The following CAMK2D variants were observed in gnomAD, a reference collection of about 807,000 sequenced individuals.
CAMK2D encodes calcium/calmodulin-dependent protein kinase type II subunit delta.
A neutral mutation model predicts 84.0 loss-of-function variants in CAMK2D; 37 were observed. That is an observed-to-expected ratio of 0.44 (90% confidence interval 0.34 to 0.58). The LOEUF (loss-of-function observed/expected upper bound fraction) is 0.58. Ranked by LOEUF, CAMK2D falls within the 20% of genes least tolerant of loss-of-function variation. The pLI, the probability that CAMK2D is intolerant of heterozygous loss-of-function variation, is 0.02. For synonymous variants in CAMK2D, 202 were observed against 212.5 expected (o/e 0.95, Z 0.43); for missense variants, 448 against 652.5 (o/e 0.69, Z 3.41).
chr4:113,609,063 T>A, intron 4 of CAMK2D, 89 bp downstream of exon 4: 1 of 676,836 alleles, frequency 1.5e-6, no homozygotes, highest in Non-Finnish European at 2.7e-6. Flanking sequence ...TAGCAGTCAG[T>A]AATTTGGACT....
intron 4 of CAMK2D, among the ~76,000 whole-genome samples, chr4:113,604,682 T>C (rs1048388218): frequency 1.3e-5 from 2 of 152,206 alleles, no homozygotes; most frequent in African/African-American, 4.8e-5. Context: ...CCCAAACAAA[T>C]ACCATTGCTA....
At position 113,761,241 on chromosome 4, in the gene CAMK2D, GA is replaced by G. The variant is rs1308660325; in HGVS notation, c.-174del. On this transcript the variant is annotated 5_prime_UTR_variant, in exon 1 of 21. Coordinates refer to ENST00000511664, the MANE Select transcript of CAMK2D (RefSeq NM_001321571.2). ...TGCGCAGGGGCGGGGCGGGAGGGGA[GA>G]TGACCAGAAAGGGTGGCGTGGGGTC... is the stretch of plus-strand genomic sequence containing the variant. The G allele has an allele frequency of 6.8e-7, 1 of 1,473,074 alleles. No individual in the cohort carries two copies. The highest frequency in any genetic ancestry group is 9.0e-7 in the Non-Finnish European group (1 of 1,114,950). The allele number at this position is 1,473,074 out of a possible 1,614,324, so 91.3% of individuals were successfully genotyped here.
intron 6 of CAMK2D, among the ~76,000 whole-genome samples, chr4:113,544,638 C>T (rs1031279229): frequency 2.0e-5 from 3 of 152,160 alleles, no homozygotes; most frequent in African/African-American, 7.2e-5. Flanking sequence ...ATGGTAACTG[C>T]TTGATAAATG....
chr4:113,612,090 AT>A (rs2099002685), intron 3 of CAMK2D, among the ~76,000 whole-genome samples: 1 of 152,174 alleles, frequency 6.6e-6, no homozygotes, highest in East Asian at 1.9e-4. Flanking sequence ...TTTACTTACT[AT>A]ATTAACAAAA....
At chr4:113,513,766 C>T (rs1245216763) in intron 11 of CAMK2D, 64 bp downstream of exon 11, 2 of 738,218 alleles carry the variant, frequency 2.7e-6, no homozygotes, top group African/African-American at 3.5e-5. Flanking sequence ...TTATTTTCCT[C>T]ACACAGTATT....
At position 113,709,944 on chromosome 4, in the gene CAMK2D, A is replaced by G. The variant is rs180685811; in HGVS notation, c.161-48172T>C. The stretch of plus-strand genomic sequence containing the variant: ...GTGGGACTGGCAAACCTGCACTTTT[A>G]TCTTTAACTTCATTTATTTCCATGG... On this transcript the variant is annotated intron_variant, in intron 2 of 20. Coordinates refer to ENST00000511664, the MANE Select transcript of CAMK2D (RefSeq NM_001321571.2). 4.0e-5 allele frequency among the ~76,000 whole-genome samples: 6 copies of G among 150,894 alleles called. No individual in the cohort carries two copies. The Admixed American group carries it at 4.0e-4, about 10-fold the overall frequency.
At chr4:113,538,052 A>G (rs2098505335) in intron 6 of CAMK2D, among the ~76,000 whole-genome samples, 1 of 152,096 alleles carries the variant, frequency 6.6e-6, no homozygotes, top group East Asian at 1.9e-4. Flanking sequence ...AGAGTATACT[A>G]CTATTTGCCA....
At chr4:113,636,067 T>G (rs539875771) in intron 3 of CAMK2D, among the ~76,000 whole-genome samples, 1 of 152,352 alleles carries the variant, frequency 6.6e-6, no homozygotes, top group Admixed American at 6.5e-5. Context: ...AATGACGTCT[T>G]TGGCATCTCC....
chr4:113,459,628 A>G (rs984032630), intron 18 of CAMK2D, among the ~76,000 whole-genome samples: 4 of 147,178 alleles, frequency 2.7e-5, no homozygotes, highest in African/African-American at 1.0e-4. Flanking sequence ...AGTGTATTCA[A>G]TCAACATTAC....
At chr4:113,547,449 T>A (rs2098587692) in intron 6 of CAMK2D, among the ~76,000 whole-genome samples, 195 bp downstream of exon 6, 1 of 152,210 alleles carries the variant, frequency 6.6e-6, no homozygotes, top group African/African-American at 2.4e-5. Context: ...TCTGGATAAA[T>A]CAAGATTTAT....
intron 4 of CAMK2D, among the ~76,000 whole-genome samples, chr4:113,561,886 C>A (rs926793886): frequency 2.6e-5 from 4 of 152,198 alleles, no homozygotes; most frequent in African/African-American, 9.7e-5. Context: ...ATGTACTACA[C>A]ATATCATCAG....
chr4:113,692,991 G>A (rs558665642), intron 2 of CAMK2D, among the ~76,000 whole-genome samples: 69 of 152,112 alleles, frequency 4.5e-4, no homozygotes, highest in South Asian at 6.2e-4. Context: ...TTTTACTTCC[G>A]TATTCAGGCA....
At chr4:113,700,462 C>T (rs1432605812) in intron 2 of CAMK2D, among the ~76,000 whole-genome samples, 2 of 152,124 alleles carry the variant, frequency 1.3e-5, no homozygotes, top group African/African-American at 4.8e-5. Context: ...AAAAGGTAGT[C>T]TTGTGCCACA....
At chr4:113,629,531 T>C (rs1288076005) in intron 3 of CAMK2D, among the ~76,000 whole-genome samples, 1 of 151,936 alleles carries the variant, frequency 6.6e-6, no homozygotes, top group African/African-American at 2.4e-5. Context: ...CAGAAAACAA[T>C]ACTTAATCTT....
At chr4:113,522,705 T>C (rs773195609) in intron 8 of CAMK2D, among the ~76,000 whole-genome samples, 2 of 152,180 alleles carry the variant, frequency 1.3e-5, no homozygotes, top group East Asian at 1.9e-4. Flanking sequence ...AGCAAAAGCA[T>C]TGCATCACCT....
Position 113,460,222 on chromosome 4 carries a change from G to A in CAMK2D, c.1231C>T (p.Leu411Phe). ...AAAGCTTCAGGTTCAAAAGCAGTAAGGCCTGGGTCACAGATTTTTCTGTAA... is the reference window on the plus strand; with the variant it reads ...AAAGCTTCAGGTTCAAAAGCAGTAAAGCCTGGGTCACAGATTTTTCTGTAA... ...EAYTKICDPG[L>F]TAFEPEALGN... The change falls in exon 18 of 21, where the codon CTT (leucine) becomes TTT (phenylalanine). Residue 411 changes from leucine to phenylalanine, a missense_variant. By Grantham distance (22) the Leu-to-Phe change is conservative. Transcript: ENST00000511664. 6.3e-7 allele frequency: 1 copy of A among 1,596,580 alleles called. No individual in the cohort carries two copies. The highest frequency in any genetic ancestry group is 8.6e-7 in the Non-Finnish European group (1 of 1,167,890).
intron 4 of CAMK2D, among the ~76,000 whole-genome samples, chr4:113,596,666 C>A (rs1423659522): frequency 6.6e-6 from 1 of 151,098 alleles, no homozygotes; most frequent in Non-Finnish European, 1.5e-5. Context: ...TGAAAGAAAT[C>A]ATTTTTCTTC....
At chr4:113,706,066 G>A (rs1420203138) in intron 2 of CAMK2D, among the ~76,000 whole-genome samples, 1 of 152,166 alleles carries the variant, frequency 6.6e-6, no homozygotes, top group Non-Finnish European at 1.5e-5. Flanking sequence ...TGGTAAAGTA[G>A]TTAAGAAATT....
At chr4:113,581,849 A>T (rs1050554077) in intron 4 of CAMK2D, among the ~76,000 whole-genome samples, 1 of 152,206 alleles carries the variant, frequency 6.6e-6, no homozygotes. Context: ...TATATTAAGT[A>T]AAAGTAGATC....
Sources: gnomAD v4.1 joint callset for allele counts (sites outside exome capture counted in the v4.1 genomes callset) on GRCh38, gnomAD v4.1.1 for gene constraint, MANE v1.5 for transcripts, NCBI Gene and HGNC (gene_info 2026-07-23, HGNC 2026-07-21) for gene names.